Variants in CIMIP5 observed in about 807,000 individuals in gnomAD.
The protein encoded by CIMIP5 is ciliary microtubule inner protein 5.
the CIMIP5 span, among the ~76,000 whole-genome samples, chr2:11,154,226 C>T: frequency 3.0e-4 from 46 of 152,336 alleles, no homozygotes; most frequent in Admixed American, 7.2e-4. Flanking sequence ...AATCTTCCCG[C>T]TTCGCGGGGT....
chr2:11,137,285 A>G, the CIMIP5 span, among the ~76,000 whole-genome samples: 7 of 152,304 alleles, frequency 4.6e-5, no homozygotes, highest in East Asian at 1.3e-3. Flanking sequence ...ACGCAGGGAG[A>G]ATTGCTTGAA....
chr2:11,150,492 C>T, the CIMIP5 span, among the ~76,000 whole-genome samples: 1 of 151,758 alleles, frequency 6.6e-6, no homozygotes, highest in Non-Finnish European at 1.5e-5. Flanking sequence ...GCCACCATGC[C>T]CGGCTAATTT....
At chr2:11,141,529 C>G in the CIMIP5 span, among the ~76,000 whole-genome samples, 2 of 152,188 alleles carry the variant, frequency 1.3e-5, no homozygotes, top group South Asian at 4.1e-4. Context: ...TCTTCAAGAT[C>G]CTGCTCTAGT....
chr2:11,148,227 C>G, the CIMIP5 span, among the ~76,000 whole-genome samples: 2 of 151,892 alleles, frequency 1.3e-5, no homozygotes, highest in South Asian at 4.2e-4. Flanking sequence ...AAGCGATTCT[C>G]CTGCCTCAGC....
At chr2:11,137,407 A>C in the CIMIP5 span, among the ~76,000 whole-genome samples, 3 of 152,184 alleles carry the variant, frequency 2.0e-5, no homozygotes, top group South Asian at 6.2e-4. Flanking sequence ...AACTTGTAGA[A>C]ATAAAAATAT....
At chr2:11,142,825 T>G in the CIMIP5 span, among the ~76,000 whole-genome samples, 1 of 149,808 alleles carries the variant, frequency 6.7e-6, no homozygotes, top group African/African-American at 2.5e-5. Context: ...GCTCTAGTGA[T>G]CCTCCCACCT....
the CIMIP5 span, among the ~76,000 whole-genome samples, chr2:11,141,121 C>CTT: frequency 5.2e-3 from 315 of 60,430 alleles, 5 homozygotes; most frequent in African/African-American, 5.9e-3. Context: ...CCACAACACA[C>CTT]TTTTTTTTTT....
At chr2:11,138,030 G>C in the CIMIP5 span, among the ~76,000 whole-genome samples, 2 of 152,160 alleles carry the variant, frequency 1.3e-5, no homozygotes, top group Non-Finnish European at 2.9e-5. Context: ...ATTTTTAGTA[G>C]AGACGAGGTT....
the CIMIP5 span, among the ~76,000 whole-genome samples, chr2:11,153,105 G>T: frequency 2.6e-5 from 4 of 152,168 alleles, no homozygotes; most frequent in Non-Finnish European, 5.9e-5. Context: ...ATGCTAGGAG[G>T]ACAGCTGAGG....
chr2:11,151,353 C>A, the CIMIP5 span, among the ~76,000 whole-genome samples: 1 of 152,232 alleles, frequency 6.6e-6, no homozygotes, highest in African/African-American at 2.4e-5. Context: ...ACTGCCACCA[C>A]CAATGGCTCT....
the CIMIP5 span, among the ~76,000 whole-genome samples, chr2:11,136,872 A>G: frequency 1.3e-5 from 2 of 152,206 alleles, no homozygotes; most frequent in African/African-American, 4.8e-5. Flanking sequence ...GCAGGACAGA[A>G]CTTGTAACAT....
At chr2:11,153,146 C>T in the CIMIP5 span, among the ~76,000 whole-genome samples, 2 of 152,200 alleles carry the variant, frequency 1.3e-5, no homozygotes, top group African/African-American at 4.8e-5. Flanking sequence ...CACACACCCA[C>T]ATCACTGCAT....
chr2:11,135,418 C>G, the CIMIP5 span, among the ~76,000 whole-genome samples: 2 of 152,040 alleles, frequency 1.3e-5, no homozygotes, highest in Non-Finnish European at 2.9e-5. Flanking sequence ...GACGTGGTAT[C>G]TCATTGTGAT....
chr2:11,139,392 T>G, the CIMIP5 span, among the ~76,000 whole-genome samples: 20 of 152,174 alleles, frequency 1.3e-4, no homozygotes, highest in Middle Eastern at 3.2e-3. Context: ...GCTGTGAGGA[T>G]GGGGACAGAG....
the CIMIP5 span, among the ~76,000 whole-genome samples, chr2:11,141,591 T>C: frequency 6.6e-6 from 1 of 152,218 alleles, no homozygotes; most frequent in Non-Finnish European, 1.5e-5. Flanking sequence ...ACCAGATCAC[T>C]CCTTCCTTTG....
chr2:11,141,320 G>A, the CIMIP5 span, among the ~76,000 whole-genome samples: 1 of 151,706 alleles, frequency 6.6e-6, no homozygotes, highest in Non-Finnish European at 1.5e-5. Context: ...GTAGAGAGGG[G>A]GTTTCACTAT....
At chr2:11,144,331 C>G in the CIMIP5 span, 1 of 351,526 alleles carries the variant, frequency 2.8e-6, no homozygotes, top group Non-Finnish European at 5.1e-6. Flanking sequence ...CCGTACAATC[C>G]CCAGCCCTTC....
chr2:11,137,540 A>G, the CIMIP5 span, among the ~76,000 whole-genome samples: 1 of 152,274 alleles, frequency 6.6e-6, no homozygotes, highest in East Asian at 1.9e-4. Flanking sequence ...AAACTGAACA[A>G]GAAGGTCCAA....
chr2:11,147,986 A>G, the CIMIP5 span, among the ~76,000 whole-genome samples: 1 of 152,178 alleles, frequency 6.6e-6, no homozygotes. Flanking sequence ...CAGTGCCAGC[A>G]AAAGGAAATG....
Sources: gnomAD v4.1 joint callset for allele counts (sites outside exome capture counted in the v4.1 genomes callset) on GRCh38, gnomAD v4.1.1 for gene constraint, MANE v1.5 for transcripts, NCBI Gene and HGNC (gene_info 2026-07-23, HGNC 2026-07-21) for gene names.